The following PCDH11X variants were observed in gnomAD, a reference collection of about 807,000 sequenced individuals.
PCDH11X encodes protocadherin-11 X-linked.
In PCDH11X, 18 loss-of-function variants were observed where a neutral mutation model predicts 53.3. The observed-to-expected ratio is 0.34, with a 90% CI of 0.23 to 0.50. The LOEUF (loss-of-function observed/expected upper bound fraction) is 0.50, where lower values mean the gene tolerates loss of function less well. PCDH11X is among the 20% of genes least tolerant of loss of function. The pLI, the probability that PCDH11X is intolerant of heterozygous loss-of-function variation, is 0.98. For synonymous variants in PCDH11X, 279 were observed against 393.3 expected (o/e 0.71, Z 3.44); for missense variants, 570 against 1,032.4 (o/e 0.55, Z 6.14).
intron 6 of PCDH11X, among the ~76,000 whole-genome samples, chrX:92,197,471 T>G (rs993729616): frequency 8.9e-6 from 1 of 112,279 alleles, no homozygotes. Context: ...ACATTTTATA[T>G]TTGTAAACTT....
At chrX:92,014,509 A>G (rs1322942495) in intron 6 of PCDH11X, among the ~76,000 whole-genome samples, 3 of 108,867 alleles carry the variant, frequency 2.8e-5, no homozygotes, top group Non-Finnish European at 3.8e-5. Flanking sequence ...TAGAAATATC[A>G]TTTGACCCAG....
rs57761605 is a variant in PCDH11X, at chrX:92,499,636, C to CAA, written c.3367+31358_3367+31359dup. 2.9e-4 allele frequency among the ~76,000 whole-genome samples: 5 copies of CAA among 17,277 alleles called. 1 individual carries two copies. The highest frequency in any genetic ancestry group is 9.2e-4 in the African/African-American group (4 of 4,360). The allele number at this position is 17,277 out of a possible 115,157, so 15.0% of individuals were successfully genotyped here. A position where few individuals can be genotyped will look rare whatever the true frequency, so the allele number is the denominator to read the frequency against. ...GCATCATAGTAAAACCCTGTCTCTACAAAAAAAAAAAAAAAAAAAAAAAAA... is the reference window on the plus strand; with the variant it reads ...GCATCATAGTAAAACCCTGTCTCTACAAAAAAAAAAAAAAAAAAAAAAAAAAA... On this transcript the variant is annotated intron_variant, in intron 10 of 10. Coordinates refer to ENST00000682573, the MANE Select transcript of PCDH11X (RefSeq NM_032968.5).
In PCDH11X at chrX:92,288,846, T is replaced by C. The variant is rs773053304; in HGVS notation, c.3144+25703T>C. ...GTCAAATGTTTTTAAGAGTGTTTCA[T>C]GGAAATGAATATATTTTCTTAATTT... On this transcript the variant is annotated intron_variant, in intron 8 of 10. Coordinates refer to ENST00000682573, the MANE Select transcript of PCDH11X (RefSeq NM_032968.5). Among the ~76,000 whole-genome samples the C allele has an allele frequency of 4.4e-3, 480 of 109,105 alleles. 3 individuals carry two copies. Among genetic ancestry groups the C allele is most frequent in the African/African-American group, 0.015 (453 of 30,032 alleles). The allele number at this position is 109,105 out of a possible 115,157, so 94.7% of individuals were successfully genotyped here.
chrX:92,514,902 C>T (rs1357769728), intron 10 of PCDH11X, among the ~76,000 whole-genome samples: 1 of 106,371 alleles, frequency 9.4e-6, no homozygotes, highest in Non-Finnish European at 1.9e-5. Flanking sequence ...AAAAAATTAG[C>T]CAGGCGTGGT....
chrX:92,439,481 G>C (rs1371994491), intron 9 of PCDH11X, among the ~76,000 whole-genome samples: 1 of 110,718 alleles, frequency 9.0e-6, no homozygotes, highest in East Asian at 2.9e-4. Flanking sequence ...TGTGGATCAA[G>C]TCAGCTTGCA....
intron 6 of PCDH11X, among the ~76,000 whole-genome samples, chrX:92,011,857 A>C (rs1048313181): frequency 1.8e-5 from 2 of 110,495 alleles, no homozygotes; most frequent in African/African-American, 6.5e-5. Flanking sequence ...AAGCCACTAA[A>C]ATCTGGAGAA....
intron 10 of PCDH11X, among the ~76,000 whole-genome samples, chrX:92,589,937 T>C (rs1348303609): frequency 5.4e-5 from 6 of 111,780 alleles, no homozygotes; most frequent in Non-Finnish European, 1.1e-4. Flanking sequence ...CAGCCATTAA[T>C]CTGAAGATTA....
intron 9 of PCDH11X, among the ~76,000 whole-genome samples, chrX:92,407,889 T>C (rs1428918988): frequency 9.1e-6 from 1 of 110,342 alleles, no homozygotes; most frequent in East Asian, 2.9e-4. Flanking sequence ...TGTTTGTTTC[T>C]GTTTTTTGTT....
At chrX:91,791,245 A>G (rs1244583209) in intron 1 of PCDH11X, among the ~76,000 whole-genome samples, 1 of 110,355 alleles carries the variant, frequency 9.1e-6, no homozygotes, top group Non-Finnish European at 1.9e-5. Context: ...CTGTTCTTGC[A>G]TTGCTATAAA....
At chrX:92,114,191 G>A in intron 6 of PCDH11X, 2 of 1,113,629 alleles carry the variant, frequency 1.8e-6, no homozygotes, top group Non-Finnish European at 2.5e-6. Context: ...ATCTGCTGCA[G>A]AATCGATATG....
chrX:92,462,188 A>C (rs2073061651), intron 9 of PCDH11X, among the ~76,000 whole-genome samples: 1 of 112,066 alleles, frequency 8.9e-6, no homozygotes, highest in African/African-American at 3.2e-5. Flanking sequence ...CACAACTCAA[A>C]AAGGTTTGTT....
At chrX:92,454,674 T>C (rs955112797) in intron 9 of PCDH11X, among the ~76,000 whole-genome samples, 53 of 108,686 alleles carry the variant, frequency 4.9e-4, no homozygotes, top group African/African-American at 1.6e-3. Context: ...ATTTAGGAAA[T>C]TTGTCTTAAA....
At chrX:92,463,786 A>G (rs1225742769) in intron 9 of PCDH11X, among the ~76,000 whole-genome samples, 1 of 111,140 alleles carries the variant, frequency 9.0e-6, no homozygotes, top group Non-Finnish European at 1.9e-5. Flanking sequence ...CTTGAATAAA[A>G]GGGCAGAAAA....
intron 6 of PCDH11X, among the ~76,000 whole-genome samples, chrX:91,880,731 G>A (rs945167222): frequency 9.1e-6 from 1 of 110,284 alleles, no homozygotes; most frequent in Admixed American, 9.7e-5. Context: ...TATTTCTACA[G>A]TTTAGATGAA....
chrX:91,973,306 G>A (rs1382661487), intron 6 of PCDH11X, among the ~76,000 whole-genome samples: 1 of 65,276 alleles, frequency 1.5e-5, no homozygotes, highest in East Asian at 6.4e-4. Context: ...GGGGAGGGGG[G>A]AGGGATAGCA....
At chrX:92,002,870 G>C (rs2062533500) in intron 6 of PCDH11X, among the ~76,000 whole-genome samples, 1 of 107,773 alleles carries the variant, frequency 9.3e-6, no homozygotes, top group Admixed American at 1.0e-4. Flanking sequence ...TCCTAATTTG[G>C]ATTCTTTTAT....
intron 10 of PCDH11X, among the ~76,000 whole-genome samples, chrX:92,518,475 A>G (rs1202568519): frequency 8.9e-6 from 1 of 111,958 alleles, no homozygotes; most frequent in Non-Finnish European, 1.9e-5. Flanking sequence ...GGATCTACTT[A>G]ACTGAGTCAA....
At chrX:92,056,058 T>C (rs2063444717) in intron 6 of PCDH11X, among the ~76,000 whole-genome samples, 1 of 110,622 alleles carries the variant, frequency 9.0e-6, no homozygotes, top group Admixed American at 9.7e-5. Context: ...TACTTAGTAA[T>C]GGGATTTCTG....
chrX:91,892,048 A>T (rs867015982), intron 6 of PCDH11X, among the ~76,000 whole-genome samples: 2 of 91,945 alleles, frequency 2.2e-5, no homozygotes, highest in African/African-American at 4.0e-5. Flanking sequence ...TGTGTGTGTT[A>T]GAGAGAGAGA....
Sources: gnomAD v4.1 joint callset for allele counts (sites outside exome capture counted in the v4.1 genomes callset) on GRCh38, gnomAD v4.1.1 for gene constraint, MANE v1.5 for transcripts, NCBI Gene and HGNC (gene_info 2026-07-23, HGNC 2026-07-21) for gene names.